HEPH: variants seen among roughly 807,000 people sequenced by gnomAD.
HEPH encodes the protein hephaestin.
Under a neutral mutation model 80.8 loss-of-function variants are expected in HEPH, and 69 were observed. The observed-to-expected ratio is 0.85, with a 90% CI of 0.70 to 1.04. The LOEUF (loss-of-function observed/expected upper bound fraction) is 1.04, where lower values mean the gene tolerates loss of function less well. HEPH is among the 50% of genes least tolerant of loss of function. The pLI is 0.00. For missense variants in HEPH, 1,115 were observed against 891.3 expected (o/e 1.25, Z -3.20); for synonymous variants, 431 against 322.8 (o/e 1.34, Z -3.60).
chrX:66,166,279 C>T (rs1233983079), intron 1 of HEPH, among the ~76,000 whole-genome samples: 3 of 111,404 alleles, frequency 2.7e-5, no homozygotes, highest in South Asian at 3.8e-4. Context: ...CCACAACCTC[C>T]GCCTCCCAGG....
chrX:66,253,024 C>A (rs984891475), intron 15 of HEPH, among the ~76,000 whole-genome samples: 1 of 112,072 alleles, frequency 8.9e-6, no homozygotes, highest in Non-Finnish European at 1.9e-5. Flanking sequence ...AAGGAGCAAA[C>A]CTTCATAACC....
At chrX:66,250,028 G>T (rs2090949309) in intron 15 of HEPH, among the ~76,000 whole-genome samples, 1 of 111,280 alleles carries the variant, frequency 9.0e-6, no homozygotes, top group Non-Finnish European at 1.9e-5. Flanking sequence ...ATAGGGAAAA[G>T]AATGGAGTCA....
In HEPH at chrX:66,207,222, G is replaced by T. The variant is rs759661668; in HGVS notation, c.2319G>T (p.Lys773Asn). 137 of 1,204,204 alleles carry T rather than the reference G, an allele frequency of 1.1e-4. No individual in the cohort carries two copies. The highest frequency in any genetic ancestry group is 1.5e-4 in the Non-Finnish European group (136 of 892,464). ...DSYGYIFLSN[K>N]DGLLGSRYKK... Reference sequence around the variant, plus strand: ...ATGGTTACATTTTCCTGAGCAACAAGGATGGGCTCCTGGGTTCCAGATACA... The same window carrying T: ...ATGGTTACATTTTCCTGAGCAACAATGATGGGCTCCTGGGTTCCAGATACA... Residue 773 changes from lysine (K) to asparagine (N), a missense_variant, in exon 14 of 21, where the codon AAG (lysine) becomes AAT (asparagine). Lys to Asn is a moderately conservative substitution (Grantham distance 94, BLOSUM62 0). This residue lies in a region of HEPH where 716 missense variants were observed against 523.5 expected (regional missense o/e 1.37). Transcript: ENST00000343002.
chrX:66,222,858 T>A (rs1049201436), intron 15 of HEPH, among the ~76,000 whole-genome samples: 1 of 112,267 alleles, frequency 8.9e-6, no homozygotes, highest in Non-Finnish European at 1.9e-5. Flanking sequence ...CAAAATCGAC[T>A]TGGTTATGTT....
chrX:66,267,321 T>C lies in HEPH; in HGVS notation c.*649T>C, dbSNP rs1399708319. 1 of 112,397 alleles carries C rather than the reference T, an allele frequency of 8.9e-6. No homozygotes were observed. The highest frequency in any genetic ancestry group is 1.9e-5 in the Non-Finnish European group (1 of 53,357). 9.3% of individuals were successfully genotyped at this position (112,397 alleles called of 1,213,427 possible). ...TCTTAACCTGTGGCACTGAAAGGAATGTTGAGTTACCTCTTCATGTTTTAG... is the reference window on the plus strand; with the variant it reads ...TCTTAACCTGTGGCACTGAAAGGAACGTTGAGTTACCTCTTCATGTTTTAG... On this transcript the variant is annotated 3_prime_UTR_variant, in exon 21 of 21. Coordinates refer to ENST00000343002, the MANE Select transcript of HEPH (RefSeq NM_001367233.3).
chrX:66,231,611 T>C (rs2148013449), intron 15 of HEPH, among the ~76,000 whole-genome samples: 1 of 109,913 alleles, frequency 9.1e-6, no homozygotes, highest in South Asian at 3.9e-4. Context: ...TGTTTGTGAT[T>C]TTTGTACATT....
rs775115084 is a variant in HEPH at position 66,165,251 on chromosome X, G to A, written c.-14+781G>A. Among the ~76,000 whole-genome samples the A allele has an allele frequency of 2.9e-4, 33 of 111,889 alleles. 1 individual carries two copies. The highest frequency in any genetic ancestry group is 1.1e-3 in the African/African-American group (33 of 30,855). On this transcript the variant is annotated intron_variant, in intron 1 of 20. Transcript: ENST00000343002. ...CCCATTTTTTGGATGAGATGACTAA[G>A]GCTAAAATAATTTATTGAAAGGTCA...
chrX:66,234,045 A>T (rs1200581711), intron 15 of HEPH, among the ~76,000 whole-genome samples: 1 of 110,606 alleles, frequency 9.0e-6, no homozygotes, highest in Non-Finnish European at 1.9e-5. Context: ...ATTTTTTCTG[A>T]TCCTTTCCCT....
chrX:66,196,858 A>T (rs1223192275), intron 9 of HEPH, among the ~76,000 whole-genome samples: 3 of 107,290 alleles, frequency 2.8e-5, no homozygotes, highest in African/African-American at 6.8e-5. Flanking sequence ...GTGCATATGA[A>T]CCTTTTAAAG....
At chrX:66,174,294 A>C (rs2086714792) in intron 4 of HEPH, among the ~76,000 whole-genome samples, 1 of 111,629 alleles carries the variant, frequency 9.0e-6, no homozygotes, top group Non-Finnish European at 1.9e-5. Flanking sequence ...CTTCACTTAG[A>C]ATAATAGTCT....
chrX:66,197,967 G>A (rs2088198091), intron 10 of HEPH, 73 bp downstream of exon 10: 3 of 893,627 alleles, frequency 3.4e-6, no homozygotes, highest in Admixed American at 5.3e-5. Context: ...TAGGAGTTAA[G>A]CATGGAACTG....
intron 4 of HEPH, among the ~76,000 whole-genome samples, chrX:66,179,795 T>C (rs1431711034): frequency 8.9e-6 from 1 of 111,835 alleles, no homozygotes; most frequent in Non-Finnish European, 1.9e-5. Flanking sequence ...AGGATTGTAA[T>C]ATTTTTCTGT....
intron 14 of HEPH, 150 bp from the exon 15 acceptor site, chrX:66,207,965 G>A: frequency 2.5e-6 from 1 of 401,890 alleles, no homozygotes; most frequent in Non-Finnish European, 4.2e-6. Context: ...TTAAAATGGA[G>A]CCAGCCATGC....
chrX:66,259,834 G>A (rs764409013), intron 18 of HEPH, among the ~76,000 whole-genome samples: 40 of 108,635 alleles, frequency 3.7e-4, no homozygotes, highest in Admixed American at 8.9e-4. Flanking sequence ...TCAGCCTCCC[G>A]AGTAGCTGGG....
intron 20 of HEPH, among the ~76,000 whole-genome samples, chrX:66,264,967 TA>T (rs2091489519): frequency 9.2e-6 from 1 of 109,002 alleles, no homozygotes; most frequent in African/African-American, 3.3e-5. Flanking sequence ...TCTCATTTGT[TA>T]AAAAGTTTCT....
Position 66,256,220 on chromosome X carries a change from A to G in HEPH, c.2786A>G (p.Asp929Gly). The G allele has an allele frequency of 1.7e-6, 2 of 1,210,823 alleles. No homozygotes were observed. The highest frequency in any genetic ancestry group is 3.0e-5 in the East Asian group (1 of 33,774). The change falls in exon 17 of 21, where the codon GAT (aspartate) becomes GGT (glycine). Residue 929 changes from aspartate to glycine, a missense_variant. Asp to Gly is a moderately conservative substitution (Grantham distance 94, BLOSUM62 -1). This residue lies in a region of HEPH where 716 missense variants were observed against 523.5 expected (regional missense o/e 1.37). Transcript: ENST00000343002. ...REFALLFLIFDENKSWYLEEN... is the reference protein window; with the variant it reads ...REFALLFLIFGENKSWYLEEN... ...TTTGCATTGTTGTTCTTGATTTTTG[A>G]TGAAAATAAGTCTTGGTATTTGGAG...
At chrX:66,256,610 G>T (rs1042019063) in intron 17 of HEPH, among the ~76,000 whole-genome samples, 1 of 111,733 alleles carries the variant, frequency 8.9e-6, no homozygotes, top group Non-Finnish European at 1.9e-5. Context: ...TATTAGAGAA[G>T]GCAAAATGGA....
chrX:66,251,474 GTTTA>G (rs1311695164), intron 15 of HEPH, among the ~76,000 whole-genome samples: 1 of 111,711 alleles, frequency 9.0e-6, no homozygotes. Context: ...TCTATCATAT[GTTTA>G]TTTGTCATTC....
chrX:66,171,845 A>G (rs1180973629), intron 2 of HEPH, among the ~76,000 whole-genome samples: 1 of 111,442 alleles, frequency 9.0e-6, no homozygotes, highest in Non-Finnish European at 1.9e-5. Flanking sequence ...GTTAGGAACT[A>G]TGATTATTTC....
Sources: allele counts gnomAD v4.1 joint callset (sites outside exome capture counted in the v4.1 genomes callset), GRCh38; gene constraint gnomAD v4.1.1; regional missense constraint gnomAD v4.1.1; transcripts MANE v1.5; gene names NCBI Gene and HGNC (gene_info 2026-07-23, HGNC 2026-07-21).